MDN1: variants seen among roughly 807,000 people sequenced by gnomAD.
MDN1 encodes midasin.
MDN1 carries 266 observed loss-of-function variants against 669.2 expected under a neutral mutation model. The observed-to-expected ratio is 0.40, with a 90% CI of 0.36 to 0.44. The LOEUF is 0.44. Ranked by LOEUF, MDN1 falls within the 20% of genes least tolerant of loss-of-function variation. The probability of loss-of-function intolerance (pLI) is 1.00; values close to 1 mark genes in which losing one functional copy is unlikely to be tolerated. For missense variants in MDN1, 5,940 were observed against 6,754.0 expected, an observed-to-expected ratio of 0.88 and a Z score of 4.22; for synonymous variants, 2,385 against 2,457.1, an observed-to-expected ratio of 0.97 and a Z score of 0.87.
At chr6:89,783,423 C>T (rs1452196290) in intron 9 of MDN1, among the ~76,000 whole-genome samples, 1 of 152,128 alleles carries the variant, frequency 6.6e-6, no homozygotes, top group African/African-American at 2.4e-5. Context: ...TGTGGTCAGA[C>T]CGGTCTGTTG....
intron 84 of MDN1, 83 bp from the exon 85 acceptor site, chr6:89,664,711 T>C: frequency 8.9e-7 from 1 of 1,120,562 alleles, no homozygotes; most frequent in East Asian, 2.5e-5. Context: ...CCAAGGTTAA[T>C]GGTGTAAAAA....
chr6:89,806,464 C>T (rs562683171), intron 1 of MDN1, among the ~76,000 whole-genome samples: 2 of 152,132 alleles, frequency 1.3e-5, no homozygotes, highest in Admixed American at 6.6e-5. Flanking sequence ...CGCCTATAAA[C>T]CCAGCACTTT....
Position 89,712,138 on chromosome 6 carries a change from C to A in MDN1, c.7549G>T (p.Val2517Phe). The A allele has an allele frequency of 6.2e-7, 1 of 1,614,128 alleles. No homozygotes were observed. Among genetic ancestry groups the A allele is most frequent in the Non-Finnish European group, 8.5e-7 (1 of 1,179,990 alleles). ...TYWIDEPDVL[V>F]MAVKLLIERA... ...TCTATGAGCAATTTAACAGCCATGA[C>A]CAAAACATCTGGTTCATCGATCCAG... Residue 2517 changes from valine (V) to phenylalanine (F), a missense_variant, in exon 49 of 102, where the codon GTC becomes TTC. Around this residue, in one of 5 missense-constraint regions of MDN1, gnomAD observed 2,292 missense variants for 2,638.3 expected, o/e 0.87. Coordinates refer to ENST00000369393, the MANE Select transcript of MDN1 (RefSeq NM_014611.3).
Position 89,648,639 on chromosome 6 carries a change from G to C in MDN1, c.16207-310C>G, listed in dbSNP as rs550163715. On this transcript the variant is annotated intron_variant, in intron 97 of 101. Coordinates refer to ENST00000369393, the MANE Select transcript of MDN1 (RefSeq NM_014611.3). ...TCCCAGCACTTTGGGAGGCCAAGGA[G>C]GGAGGATCACTTGAGTCCAGGAATT... is the stretch of plus-strand genomic sequence containing the variant. Among the ~76,000 whole-genome samples, 16 of 152,090 alleles carry C rather than the reference G, an allele frequency of 1.1e-4. No homozygotes were observed. In the South Asian group the frequency reaches 3.3e-3, roughly 32 times the overall value.
At chr6:89,681,864 C>G (rs529169924) in intron 73 of MDN1, among the ~76,000 whole-genome samples, 490 of 152,130 alleles carry the variant, frequency 3.2e-3, no homozygotes, top group Non-Finnish European at 5.3e-3. Flanking sequence ...GTTGCATAGG[C>G]TGGTCTCAAA....
At chr6:89,704,935 T>C (rs1267042903) in intron 53 of MDN1, among the ~76,000 whole-genome samples, 2 of 152,330 alleles carry the variant, frequency 1.3e-5, no homozygotes, top group Non-Finnish European at 2.9e-5. Context: ...AGATTTTCCA[T>C]TGCAAATAAC....
chr6:89,804,544 G>A (rs1385196971), intron 1 of MDN1, among the ~76,000 whole-genome samples: 1 of 151,950 alleles, frequency 6.6e-6, no homozygotes, highest in East Asian at 1.9e-4. Flanking sequence ...TTTAACTCTT[G>A]AAGAAAAAAA....
At chr6:89,746,038 C>T (rs144388984) in intron 27 of MDN1, among the ~76,000 whole-genome samples, 26 of 152,294 alleles carry the variant, frequency 1.7e-4, no homozygotes, top group East Asian at 5.8e-4. Flanking sequence ...AATCTCACAT[C>T]AGGTTTAGTG....
intron 53 of MDN1, among the ~76,000 whole-genome samples, chr6:89,705,104 T>C (rs1260307208): frequency 6.6e-6 from 1 of 152,162 alleles, no homozygotes; most frequent in African/African-American, 2.4e-5. Context: ...ACTACAAGAA[T>C]CCATCTTTTC....
chr6:89,708,467 C>G (rs372392742), intron 51 of MDN1, 29 bp downstream of exon 51: 3 of 1,611,020 alleles, frequency 1.9e-6, no homozygotes, highest in Non-Finnish European at 2.5e-6. Flanking sequence ...GTGAGGCAAA[C>G]AGTGCCCAGA....
intron 73 of MDN1, among the ~76,000 whole-genome samples, chr6:89,681,364 G>A (rs535479580): frequency 1.3e-5 from 2 of 152,190 alleles, no homozygotes; most frequent in East Asian, 3.9e-4. Flanking sequence ...AATAGAGATG[G>A]GGTTTTACCA....
chr6:89,797,473 C>T, intron 2 of MDN1: 1 of 191,678 alleles, frequency 5.2e-6, no homozygotes, highest in South Asian at 8.2e-5. Context: ...GGCTGTGTTG[C>T]TCTCTGATAA....
At chr6:89,690,249 T>A (rs1307634333) in intron 64 of MDN1, 106 bp from the exon 65 acceptor site, 1 of 1,152,490 alleles carries the variant, frequency 8.7e-7, no homozygotes, top group East Asian at 2.5e-5. Flanking sequence ...AAAAATGAAA[T>A]AGGACTAATA....
intron 1 of MDN1, among the ~76,000 whole-genome samples, chr6:89,805,914 C>T (rs911223436): frequency 1.3e-5 from 2 of 152,138 alleles, no homozygotes; most frequent in Middle Eastern, 3.4e-3. Context: ...GCTGCATGTC[C>T]GCATAAACAA....
intron 82 of MDN1, among the ~76,000 whole-genome samples, chr6:89,671,294 C>T (rs1810737677): frequency 6.6e-6 from 1 of 152,174 alleles, no homozygotes; most frequent in Admixed American, 6.5e-5. Context: ...CACAAAAGTA[C>T]AATCTCAAAC....
intron 33 of MDN1, 38 bp downstream of exon 33, chr6:89,738,288 A>T: frequency 6.2e-7 from 1 of 1,607,986 alleles, no homozygotes; most frequent in Non-Finnish European, 8.5e-7. Flanking sequence ...AAACCCTTCT[A>T]TGACCCAATA....
Position 89,750,443 on chromosome 6 carries a change from A to G in MDN1, c.3317T>C (p.Val1106Ala). ...WLAAATGNHC[V>A]RINNHEHTDI... ...CGTGTGTTCGTGATTATTAATACGC[A>G]CACAGTGGTTGCCAGTAGCTGCAGC... The change falls in exon 24 of 102, where the codon GTG becomes GCG. Residue 1106 changes from valine (V) to alanine (A), a missense_variant. Transcript: ENST00000369393. 1.9e-6 allele frequency: 3 copies of G among 1,614,060 alleles called. No homozygotes were observed. The highest frequency in any genetic ancestry group is 1.7e-6 in the Non-Finnish European group (2 of 1,179,928).
chr6:89,650,873 A>C, intron 95 of MDN1, 26 bp from the exon 96 acceptor site: 1 of 1,595,302 alleles, frequency 6.3e-7, no homozygotes, highest in Non-Finnish European at 8.6e-7. Flanking sequence ...AATGTAAGTT[A>C]CCCTCAGAAT....
chr6:89,689,250 G>A (rs1299589837), intron 65 of MDN1, among the ~76,000 whole-genome samples: 2 of 152,158 alleles, frequency 1.3e-5, no homozygotes, highest in Non-Finnish European at 2.9e-5. Context: ...TAATACTATA[G>A]TAGCTACCTA....
Sources: allele counts gnomAD v4.1 joint callset (sites outside exome capture counted in the v4.1 genomes callset), GRCh38; gene constraint gnomAD v4.1.1; regional missense constraint gnomAD v4.1.1; transcripts MANE v1.5; gene names NCBI Gene and HGNC (gene_info 2026-07-23, HGNC 2026-07-21).